FSTL5: variants seen among roughly 807,000 people sequenced by gnomAD.
FSTL5 encodes the protein follistatin-related protein 5.
Under a neutral mutation model 89.1 loss-of-function variants are expected in FSTL5, and 62 were observed. That is an observed-to-expected ratio of 0.70 (90% CI 0.57 to 0.86). FSTL5 has a LOEUF of 0.86. Among genes scored for constraint, FSTL5 ranks in the 40% least tolerant of loss-of-function variants. The pLI is 0.00. For synonymous variants in FSTL5, 383 were observed against 346.2 expected (o/e 1.11, Z -1.18); for missense variants, 1,057 against 1,001.6 (o/e 1.06, Z -0.75).
intron 4 of FSTL5, among the ~76,000 whole-genome samples, chr4:161,811,533 T>C (rs989177610): frequency 6.6e-6 from 1 of 152,128 alleles, no homozygotes; most frequent in African/African-American, 2.4e-5. Flanking sequence ...ATGACTCTAT[T>C]GAGTAGGGAG....
intron 4 of FSTL5, among the ~76,000 whole-genome samples, chr4:161,911,736 CT>C (rs1251115353): frequency 6.6e-6 from 1 of 152,172 alleles, no homozygotes; most frequent in Non-Finnish European, 1.5e-5. Context: ...TAGCATATTA[CT>C]GCATTAAATT....
chr4:161,815,391 G>C (rs1273230130), intron 4 of FSTL5, among the ~76,000 whole-genome samples: 3 of 152,026 alleles, frequency 2.0e-5, no homozygotes, highest in Admixed American at 6.6e-5. Flanking sequence ...CACTTGGAGA[G>C]AGAGAGAGAC....
chr4:161,576,972 T>C (rs1289077163), intron 8 of FSTL5, among the ~76,000 whole-genome samples: 3 of 152,224 alleles, frequency 2.0e-5, no homozygotes, highest in Non-Finnish European at 4.4e-5. Context: ...GTGACAAAAT[T>C]AACATTTTTA....
chr4:161,617,959 G>C (rs1210882618), intron 7 of FSTL5, among the ~76,000 whole-genome samples: 2 of 152,130 alleles, frequency 1.3e-5, no homozygotes, highest in African/African-American at 4.8e-5. Flanking sequence ...CCATGAGCAT[G>C]GAATGTTCTT....
intron 6 of FSTL5, among the ~76,000 whole-genome samples, chr4:161,704,359 C>G (rs1431805825): frequency 6.6e-6 from 1 of 152,078 alleles, no homozygotes; most frequent in Non-Finnish European, 1.5e-5. Context: ...GCTCCGACCA[C>G]CTTGGGCACA....
intron 3 of FSTL5, among the ~76,000 whole-genome samples, chr4:161,975,576 G>T (rs1267671859): frequency 6.7e-6 from 1 of 149,150 alleles, no homozygotes; most frequent in Non-Finnish European, 1.5e-5. Context: ...ACACAGGAAG[G>T]GGAATATCAC....
intron 15 of FSTL5, among the ~76,000 whole-genome samples, chr4:161,411,073 C>T (rs1003337063): frequency 7.0e-6 from 1 of 143,252 alleles, no homozygotes; most frequent in African/African-American, 2.5e-5. Context: ...CAACTCTATG[C>T]ACAGAAATTC....
Position 161,683,571 on chromosome 4 carries a change from T to C in FSTL5, c.728-27077A>G, listed in dbSNP as rs116961028. 6.0e-3 allele frequency among the ~76,000 whole-genome samples: 906 copies of C among 152,198 alleles called. 11 individuals carry two copies. The highest frequency in any genetic ancestry group is 0.047 in the South Asian group (225 of 4,826). ...TAAAACTATATTTAAAAATCCTCTA[T>C]GGAAAAGTCCATAATCCTCTACCAA... On this transcript the variant is annotated intron_variant, in intron 6 of 15. Transcript: ENST00000306100.
chr4:161,721,141 G>T (rs1022146610), intron 6 of FSTL5, among the ~76,000 whole-genome samples: 1 of 151,696 alleles, frequency 6.6e-6, no homozygotes, highest in Non-Finnish European at 1.5e-5. Flanking sequence ...AGCCGGGCGC[G>T]GTGGCGGGCG....
chr4:161,983,742 C>G (rs1284373542), intron 3 of FSTL5, among the ~76,000 whole-genome samples: 2 of 152,108 alleles, frequency 1.3e-5, no homozygotes, highest in Admixed American at 6.5e-5. Flanking sequence ...ATGTCTCTCA[C>G]CAAAATAACC....
intron 6 of FSTL5, among the ~76,000 whole-genome samples, chr4:161,657,429 G>T (rs117967622): frequency 6.6e-6 from 1 of 152,140 alleles, no homozygotes; most frequent in African/African-American, 2.4e-5. Context: ...GAAACACCAC[G>T]AATTCTAACT....
At chr4:162,042,210 AATGGGAAAATATATTTCCCATT>A (rs1049104445) in intron 2 of FSTL5, 9 of 152,156 alleles carry the variant, frequency 5.9e-5, no homozygotes, top group African/African-American at 2.2e-4. Flanking sequence ...AATTGAAAAT[AATGGGAAAATATATTTCCCATT>A]ATGGGAAATA....
intron 13 of FSTL5, among the ~76,000 whole-genome samples, chr4:161,477,566 C>T (rs1424019599): frequency 6.6e-6 from 1 of 151,218 alleles, no homozygotes; most frequent in African/African-American, 2.4e-5. Flanking sequence ...CTTAATTTTT[C>T]ATTTATATTT....
intron 7 of FSTL5, among the ~76,000 whole-genome samples, chr4:161,619,910 T>A (rs1203428491): frequency 6.6e-6 from 1 of 151,684 alleles, no homozygotes; most frequent in East Asian, 1.9e-4. Flanking sequence ...TGCGGCACTA[T>A]TCACAATAGC....
intron 1 of FSTL5, among the ~76,000 whole-genome samples, chr4:162,129,232 C>T (rs1466186753): frequency 6.6e-6 from 1 of 152,132 alleles, no homozygotes; most frequent in African/African-American, 2.4e-5. Flanking sequence ...GGCGCCTGGC[C>T]GAGACTTTCT....
chr4:161,466,836 C>G (rs1733763503), intron 13 of FSTL5, among the ~76,000 whole-genome samples: 1 of 151,966 alleles, frequency 6.6e-6, no homozygotes, highest in African/African-American at 2.4e-5. Flanking sequence ...TTGCTGAAAA[C>G]AAATACACCA....
chr4:161,606,047 A>AC (rs1560975733), intron 7 of FSTL5, among the ~76,000 whole-genome samples: 9 of 152,022 alleles, frequency 5.9e-5, no homozygotes, highest in African/African-American at 2.2e-4. Context: ...AGCTTACTGG[A>AC]AGATGAGACA....
At chr4:161,525,411 A>G (rs1731183295) in intron 10 of FSTL5, among the ~76,000 whole-genome samples, 1 of 152,184 alleles carries the variant, frequency 6.6e-6, no homozygotes, top group Admixed American at 6.5e-5. Context: ...CTAATGTACA[A>G]TTAAGAAATA....
At chr4:162,159,057 T>C (rs1369920348) in intron 1 of FSTL5, among the ~76,000 whole-genome samples, 2 of 152,044 alleles carry the variant, frequency 1.3e-5, no homozygotes, top group Non-Finnish European at 2.9e-5. Flanking sequence ...AAAAGGGACA[T>C]GTAACTACAG....
Sources: gnomAD v4.1 joint callset for allele counts (sites outside exome capture counted in the v4.1 genomes callset) on GRCh38, gnomAD v4.1.1 for gene constraint, MANE v1.5 for transcripts, NCBI Gene and HGNC (gene_info 2026-07-23, HGNC 2026-07-21) for gene names.